Variants in COL4A4 observed in about 807,000 individuals in gnomAD.
COL4A4 encodes the protein collagen alpha-4(IV) chain.
In COL4A4, 105 loss-of-function variants were observed where a neutral mutation model predicts 192.9. The ratio of observed to expected loss-of-function variants is 0.54; its 90% CI spans 0.46 to 0.64. The LOEUF (loss-of-function observed/expected upper bound fraction) is 0.64. Among genes scored for constraint, COL4A4 ranks in the 30% least tolerant of loss-of-function variants. The pLI is 0.00. For missense variants in COL4A4, 1,967 were observed against 2,169.3 expected (o/e 0.91, Z 1.85); for synonymous variants, 762 against 769.9 (o/e 0.99, Z 0.17).
chr2:227,122,679 C>A (rs975193624), intron 4 of COL4A4, among the ~76,000 whole-genome samples: 1 of 152,138 alleles, frequency 6.6e-6, no homozygotes, highest in Admixed American at 6.6e-5. Flanking sequence ...TAGGCAGCCA[C>A]CCTCCAAAAC....
In COL4A4 at chr2:227,059,609, T is replaced by C. The variant is rs1259639203; in HGVS notation, c.2179A>G (p.Met727Val). 1.2e-6 allele frequency: 2 copies of C among 1,613,998 alleles called. No individual in the cohort carries two copies. Among genetic ancestry groups the C allele is most frequent in the Non-Finnish European group, 8.5e-7 (1 of 1,180,022 alleles). The change falls in exon 28 of 48, where the codon ATG becomes GTG. Residue 727 changes from methionine (M) to valine (V), a missense_variant. By Grantham distance (21) the Met-to-Val change is conservative. Coordinates refer to ENST00000396625, the MANE Select transcript of COL4A4 (RefSeq NM_000092.5). ...TCACCTCCAAAACCCGGATCTCCCA[T>C]GTCACCACGAAAACCTATTTAACAA... Reference protein sequence around the residue: ...IPGPPGFRGDMGDPGFGGEKG... With the variant: ...IPGPPGFRGDVGDPGFGGEKG...
intron 26 of COL4A4, among the ~76,000 whole-genome samples, chr2:227,062,232 G>A (rs1258390824): frequency 2.0e-4 from 17 of 85,544 alleles, no homozygotes; most frequent in Admixed American, 7.2e-4. Context: ...GTGAGACTCC[G>A]TCTCAAAAAA....
At chr2:227,101,059 C>T (rs572477266) in intron 17 of COL4A4, among the ~76,000 whole-genome samples, 85 of 152,268 alleles carry the variant, frequency 5.6e-4, no homozygotes, top group African/African-American at 1.9e-3. Flanking sequence ...CTGCCCGCCT[C>T]GGCCTCCCAA....
chr2:227,047,373 G>A (rs1973108345), intron 35 of COL4A4, 102 bp downstream of exon 35: 1 of 835,098 alleles, frequency 1.2e-6, no homozygotes, highest in African/African-American at 1.7e-5. Context: ...GCACAAAGGG[G>A]TAAGAAAATA....
chr2:227,119,483 A>C (rs973435884), intron 6 of COL4A4, among the ~76,000 whole-genome samples: 16 of 148,816 alleles, frequency 1.1e-4, no homozygotes, highest in Non-Finnish European at 2.2e-4. Flanking sequence ...AAATATATGT[A>C]AGATAGCTAT....
intron 38 of COL4A4, 103 bp downstream of exon 38, chr2:227,033,307 G>T: frequency 2.1e-6 from 2 of 959,858 alleles, no homozygotes; most frequent in African/African-American, 3.2e-5. Context: ...TTTCAGTTTT[G>T]CCTCCAAATC....
chr2:227,086,993 T>TC (rs1236111701), intron 22 of COL4A4, among the ~76,000 whole-genome samples: 3 of 152,196 alleles, frequency 2.0e-5, no homozygotes, highest in African/African-American at 7.2e-5. Context: ...AACCTTATTT[T>TC]CATGAGATTT....
At position 227,007,281 on chromosome 2, in the gene COL4A4, C is replaced by A; in HGVS notation, c.*44G>T. ...GCACAGTCTAGGAAGTCTTAGCCCC[C>A]TAGGAAGTTTCTCTTGGCCACGTGT... On this transcript the variant is annotated 3_prime_UTR_variant, in exon 48 of 48. Transcript: ENST00000396625. 3 of 1,613,654 alleles carry A rather than the reference C, an allele frequency of 1.9e-6. No homozygotes were observed. Among genetic ancestry groups the A allele is most frequent in the African/African-American group, 1.3e-5 (1 of 75,036 alleles).
chr2:226,994,995 A>G, the COL4A4 span, among the ~76,000 whole-genome samples: 1 of 152,104 alleles, frequency 6.6e-6, no homozygotes, highest in African/African-American at 2.4e-5. Context: ...GAGGCGGCAC[A>G]TTAGAGGGAA....
rs71036159 is a variant in COL4A4 at position 227,140,875 on chromosome 2, TCACACACACACACACACACA to T, written c.115-657_115-638del. Among the ~76,000 whole-genome samples, 57 of 139,842 alleles carry T rather than the reference TCACACACACACACACACACA, an allele frequency of 4.1e-4. No individual in the cohort carries two copies. The East Asian group carries it at 9.5e-3, about 23-fold the overall frequency. 91.7% of individuals were successfully genotyped at this position (139,842 alleles called of 152,430 possible). On this transcript the variant is annotated intron_variant, in intron 3 of 47. Transcript: ENST00000396625. The stretch of plus-strand genomic sequence containing the variant: ...ACTTTCCAACACTGTCTTTAGAGCA[TCACACACACACACACACACA>T]CACACACACACACACACACACACAC...
Position 227,094,277 on chromosome 2 carries a change from G to A in COL4A4, c.1217C>T (p.Pro406Leu), listed in dbSNP as rs549802744. 66 of 1,613,480 alleles carry A rather than the reference G, an allele frequency of 4.1e-5. No individual in the cohort carries two copies. Among genetic ancestry groups the A allele is most frequent in the Non-Finnish European group, 5.4e-5 (64 of 1,179,862 alleles). ...ACCAGGAAATCCTTGTGGCCCAGGG[G>A]GTCCTATCATGCCTGCAAGATAAAT... The part of the protein sequence containing the change: ...PGEACAGMIG[P>L]PGPQGFPGLP... Residue 406 changes from proline (P) to leucine (L), a missense_variant, in exon 20 of 48, where the codon CCC becomes CTC. Transcript: ENST00000396625.
chr2:227,065,548 C>T lies in COL4A4; in HGVS notation c.1988-2950G>A, dbSNP rs987781215. Among the ~76,000 whole-genome samples, 10 of 152,336 alleles carry T rather than the reference C, an allele frequency of 6.6e-5. No homozygotes were observed. The East Asian group carries it at 1.4e-3, about 21-fold the overall frequency. On this transcript the variant is annotated intron_variant, in intron 25 of 47. Transcript: ENST00000396625. ...TGGAGATCTGAGAACAGGCAGACTG[C>T]CTCCTCAAGTGGGTCCCTGACCCCT...
intron 17 of COL4A4, 74 bp downstream of exon 17, chr2:227,101,430 T>C: frequency 1.6e-6 from 2 of 1,213,888 alleles, no homozygotes; most frequent in South Asian, 2.9e-5. Context: ...CTGGCAATAC[T>C]TCTAAAAATA....
chr2:227,081,394 C>A (rs1330444076), intron 23 of COL4A4, among the ~76,000 whole-genome samples: 1 of 152,202 alleles, frequency 6.6e-6, no homozygotes, highest in Non-Finnish European at 1.5e-5. Context: ...GGACATCAGT[C>A]TCCAGGTTCT....
intron 2 of COL4A4, among the ~76,000 whole-genome samples, chr2:227,146,681 G>A (rs1040432033): frequency 2.6e-5 from 4 of 152,088 alleles, no homozygotes; most frequent in African/African-American, 7.2e-5. Flanking sequence ...GGAGGTCCCC[G>A]GGGAGAATCT....
chr2:227,047,904 C>A (rs1973228154), intron 34 of COL4A4, among the ~76,000 whole-genome samples: 1 of 152,034 alleles, frequency 6.6e-6, no homozygotes, highest in South Asian at 2.1e-4. Context: ...GTTTTAGAAA[C>A]CAAAATCAAA....
chr2:227,001,568 C>T (rs1054263066), downstream of COL4A4, among the ~76,000 whole-genome samples: 1 of 152,122 alleles, frequency 6.6e-6, no homozygotes, highest in Non-Finnish European at 1.5e-5. Flanking sequence ...CTAACCAATT[C>T]ACGAATGGGG....
the COL4A4 span, among the ~76,000 whole-genome samples, chr2:226,994,719 C>G: frequency 6.6e-6 from 1 of 152,106 alleles, no homozygotes; most frequent in Non-Finnish European, 1.5e-5. Flanking sequence ...ATTTTTCTCC[C>G]TTTATTACTA....
At chr2:227,041,852 A>AAGAGAGAGAGAGAGAGAGAG (rs1412480175) in intron 37 of COL4A4, among the ~76,000 whole-genome samples, 1 of 71,364 alleles carries the variant, frequency 1.4e-5, no homozygotes, top group African/African-American at 6.9e-5. Context: ...AAGAAAGAGA[A>AAGAGAGAGAGAGAGAGAGAG]AGAAAGAAAG....
Sources: allele counts gnomAD v4.1 joint callset (sites outside exome capture counted in the v4.1 genomes callset), GRCh38; gene constraint gnomAD v4.1.1; transcripts MANE v1.5; gene names NCBI Gene and HGNC (gene_info 2026-07-23, HGNC 2026-07-21).